The following KANSL1 variants were observed in gnomAD, a reference collection of about 807,000 sequenced individuals.
KANSL1 encodes the protein MLL1/MLL complex subunit KANSL1.
In KANSL1, 22 loss-of-function variants were observed where a neutral mutation model predicts 103.6. The ratio of observed to expected loss-of-function variants is 0.21; its 90% CI spans 0.15 to 0.30. The LOEUF (loss-of-function observed/expected upper bound fraction) is 0.30, where lower values mean the gene tolerates loss of function less well. KANSL1 is among the 10% of genes least tolerant of loss of function. KANSL1 has a pLI of 1.00. For missense variants in KANSL1, 1,337 were observed against 1,399.8 expected, an observed-to-expected ratio of 0.96 and a Z score of 0.72; for synonymous variants, 600 against 527.6, an observed-to-expected ratio of 1.14 and a Z score of -1.88.
chr17:46,092,613 C>T (rs533397987), intron 3 of KANSL1, among the ~76,000 whole-genome samples: 9 of 150,322 alleles, frequency 6.0e-5, no homozygotes, highest in South Asian at 2.1e-4. Context: ...AGGGCACATA[C>T]GTAACATGAC....
intron 6 of KANSL1, among the ~76,000 whole-genome samples, chr17:46,063,819 C>G (rs552558144): frequency 1.0e-3 from 157 of 151,256 alleles, no homozygotes; most frequent in African/African-American, 3.4e-3. Context: ...AATTTTTATA[C>G]GACTCCTGAT....
chr17:46,218,482 T>C (rs2048409264), intron 1 of KANSL1, among the ~76,000 whole-genome samples: 4 of 152,222 alleles, frequency 2.6e-5, no homozygotes, highest in African/African-American at 9.6e-5. Flanking sequence ...GGAGCTATTA[T>C]TAACAGTAAT....
At position 46,171,078 on chromosome 17, in the gene KANSL1, T is replaced by C; in HGVS notation, c.1066A>G (p.Lys356Glu). Residue 356 changes from lysine to glutamate, a missense_variant, in exon 2 of 15, where the codon AAA (lysine) becomes GAA (glutamate). Physicochemically the swap from Lys to Glu is moderately conservative, Grantham distance 56 (BLOSUM62 1). Around this residue, in one of 2 missense-constraint regions of KANSL1, gnomAD observed 557 missense variants for 476.4 expected, o/e 1.17. Transcript: ENST00000432791. ...GAAGTGGTGGTCTCACTGGCAGCTT[T>C]TCTCAAGGCAGCTTCAGCCTTTCGA... Reference protein sequence around the residue: ...LTRKAEAALRKAASETTTSEG... With the variant: ...LTRKAEAALREAASETTTSEG... The C allele has an allele frequency of 2.5e-6, 4 of 1,614,226 alleles. No individual in the cohort carries two copies. The highest frequency in any genetic ancestry group is 3.4e-6 in the Non-Finnish European group (4 of 1,180,048).
At position 46,215,687 on chromosome 17, in the gene KANSL1, C is replaced by T. The variant is rs568237775; in HGVS notation, c.-90+7984G>A. On this transcript the variant is annotated intron_variant, in intron 1 of 14. Coordinates refer to the KANSL1 transcript ENST00000572904. ...TGACTGGCTGGGTGACACTACCGCTCACTAAGATACGAAGATAGGAAGAGG... is the reference window on the plus strand; with the variant it reads ...TGACTGGCTGGGTGACACTACCGCTTACTAAGATACGAAGATAGGAAGAGG... Among the ~76,000 whole-genome samples, 48 of 152,312 alleles carry T rather than the reference C, an allele frequency of 3.2e-4. No homozygotes were observed. The East Asian group carries it at 9.1e-3, about 29-fold the overall frequency.
intron 2 of KANSL1, among the ~76,000 whole-genome samples, chr17:46,152,724 TACCA>T (rs1393315965): frequency 6.6e-6 from 1 of 152,218 alleles, no homozygotes; most frequent in Non-Finnish European, 1.5e-5. Context: ...AATTCACTGA[TACCA>T]ACCGAGGGTT....
intron 4 of KANSL1, among the ~76,000 whole-genome samples, chr17:46,068,014 G>A (rs945981435): frequency 6.6e-5 from 10 of 152,038 alleles, no homozygotes; most frequent in African/African-American, 1.9e-4. Flanking sequence ...GCTTTGGGGG[G>A]AAGAGGGATG....
intron 4 of KANSL1, among the ~76,000 whole-genome samples, chr17:46,067,997 A>T (rs191068927): frequency 1.3e-5 from 2 of 152,214 alleles, no homozygotes; most frequent in African/African-American, 4.8e-5. Context: ...ATATTATATT[A>T]GCTTTTGCTT....
At chr17:46,036,421 T>TG (rs67876023) in intron 10 of KANSL1, among the ~76,000 whole-genome samples, 21,775 of 152,192 alleles carry the variant, frequency 0.14, 2,123 homozygotes, top group Non-Finnish European at 0.22. Flanking sequence ...TGAAAATATT[T>TG]GGGGGAAAAA....
At chr17:46,047,036 T>C (rs2077537740) in intron 7 of KANSL1, among the ~76,000 whole-genome samples, 1 of 152,148 alleles carries the variant, frequency 6.6e-6, no homozygotes, top group South Asian at 2.1e-4. Context: ...TTTCCACTCA[T>C]TGTGTTCAAG....
chr17:46,090,307 GT>G, intron 3 of KANSL1, among the ~76,000 whole-genome samples: 1 of 152,336 alleles, frequency 6.6e-6, no homozygotes, highest in Non-Finnish European at 1.5e-5. Flanking sequence ...CTCCAGAACG[GT>G]GAGAGAACAC....
At position 46,039,588 on chromosome 17, in the gene KANSL1, T is replaced by C. The variant is rs572992096; in HGVS notation, c.2203+114A>G. 16 of 1,183,708 alleles carry C rather than the reference T, an allele frequency of 1.4e-5. No individual in the cohort carries two copies. In the African/African-American group the frequency reaches 2.3e-4, roughly 17 times the overall value. 73.3% of individuals were successfully genotyped at this position (1,183,708 alleles called of 1,614,324 possible). ...CAGTCACTGTGAGCTGAATTTTTTA[T>C]CGGTCAACTGCCTCTCCCAACCCCA... On this transcript the variant is annotated intron_variant, in intron 8 of 14. Transcript: ENST00000432791.
intron 1 of KANSL1, among the ~76,000 whole-genome samples, chr17:46,219,900 G>A (rs1403714605): frequency 1.1e-4 from 17 of 152,098 alleles, no homozygotes; most frequent in South Asian, 4.1e-4. Context: ...TCAGGAGATC[G>A]AGACCATCCT....
In KANSL1 at chr17:46,031,650, C is replaced by T. The variant is rs746504988; in HGVS notation, c.3144G>A (p.Ala1048=). ...GTGCATCCAGCTGGTCCTCACACTC[C>T]GCCTGGGGACTGTGCGCCAGGGGGA... is the stretch of plus-strand genomic sequence containing the variant. ...RTFPLAHSPQ[A]ECEDQLDAQE... Residue 1048 remains alanine, a synonymous_variant, in exon 15 of 15, where the codon GCG becomes GCA. Coordinates refer to ENST00000432791, the MANE Select transcript of KANSL1 (RefSeq NM_015443.4). The T allele has an allele frequency of 1.1e-5, 17 of 1,612,770 alleles. No individual in the cohort carries two copies. The highest frequency in any genetic ancestry group is 4.5e-5 in the East Asian group (2 of 44,836).
At chr17:46,076,899 T>C (rs1438458921) in intron 4 of KANSL1, among the ~76,000 whole-genome samples, 2 of 152,206 alleles carry the variant, frequency 1.3e-5, no homozygotes, top group African/African-American at 4.8e-5. Context: ...CCTGGAGACC[T>C]TGGCTAAATC....
rs576331373 is a variant in KANSL1 at position 46,107,235 on chromosome 17, A to G, written c.1290-12534T>C. On this transcript the variant is annotated intron_variant, in intron 2 of 14. Transcript: ENST00000432791. ...ATGGATCAGGAGGTCTGCTAATAAT[A>G]GGAAGCCAGAGGAAACGTTATTGCC... Among the ~76,000 whole-genome samples, 30 of 152,350 alleles carry G rather than the reference A, an allele frequency of 2.0e-4. No homozygotes were observed. In the South Asian group the frequency reaches 6.2e-3, roughly 32 times the overall value.
At chr17:46,180,363 T>C (rs1342938251) in intron 1 of KANSL1, among the ~76,000 whole-genome samples, 1 of 151,750 alleles carries the variant, frequency 6.6e-6, no homozygotes, top group Admixed American at 6.6e-5. Flanking sequence ...CTGGGTGTGG[T>C]GGCGGGCACC....
At chr17:46,174,318 G>A (rs1394799148) in intron 1 of KANSL1, among the ~76,000 whole-genome samples, 1 of 152,166 alleles carries the variant, frequency 6.6e-6, no homozygotes, top group Non-Finnish European at 1.5e-5. Context: ...CCGTGTAGCT[G>A]GGACTACAGG....
intron 1 of KANSL1, among the ~76,000 whole-genome samples, chr17:46,181,555 G>A (rs2046796078): frequency 1.3e-5 from 2 of 152,056 alleles, no homozygotes; most frequent in East Asian, 1.9e-4. Flanking sequence ...ACAACCTCCC[G>A]AGCAGCTGGG....
chr17:46,062,808 G>C (rs1428879910), intron 6 of KANSL1, among the ~76,000 whole-genome samples: 1 of 152,048 alleles, frequency 6.6e-6, no homozygotes, highest in African/African-American at 2.4e-5. Context: ...CCAGCACTTT[G>C]GGAGGCCGAG....
Sources: allele counts gnomAD v4.1 joint callset (sites outside exome capture counted in the v4.1 genomes callset), GRCh38; gene constraint gnomAD v4.1.1; regional missense constraint gnomAD v4.1.1; transcripts MANE v1.5; gene names NCBI Gene and HGNC (gene_info 2026-07-23, HGNC 2026-07-21).